Variants in MND1 observed in about 807,000 individuals in gnomAD.
The protein encoded by MND1 is meiotic nuclear divisions 1.
Under a neutral mutation model 35.1 loss-of-function variants are expected in MND1, and 28 were observed. That is an observed-to-expected ratio of 0.80 (90% CI 0.59 to 1.09). The LOEUF is 1.09. MND1 is among the 50% of genes least tolerant of loss of function. The probability of loss-of-function intolerance (pLI) is 0.00; values close to 1 mark genes in which losing one functional copy is unlikely to be tolerated. For missense variants in MND1, 213 were observed against 239.6 expected (o/e 0.89, Z 0.73); for synonymous variants, 69 against 70.5 (o/e 0.98, Z 0.11).
At chr4:153,387,484 G>T (rs1441473752) in intron 4 of MND1, among the ~76,000 whole-genome samples, 3 of 152,044 alleles carry the variant, frequency 2.0e-5, no homozygotes, top group African/African-American at 7.2e-5. Context: ...ACAAGGCCAG[G>T]CTCAGTCACT....
chr4:153,350,424 C>T (rs1399491082), intron 2 of MND1, among the ~76,000 whole-genome samples: 3 of 152,104 alleles, frequency 2.0e-5, no homozygotes, highest in African/African-American at 7.2e-5. Context: ...TGATGAAAGC[C>T]CACATCTCCT....
At chr4:153,369,560 T>C (rs1486146249) in intron 4 of MND1, among the ~76,000 whole-genome samples, 1 of 152,150 alleles carries the variant, frequency 6.6e-6, no homozygotes, top group Non-Finnish European at 1.5e-5. Flanking sequence ...TAAAAACTAA[T>C]GTACATTAAT....
At chr4:153,351,388 C>T (rs1773214210) in intron 2 of MND1, among the ~76,000 whole-genome samples, 1 of 152,138 alleles carries the variant, frequency 6.6e-6, no homozygotes, top group Non-Finnish European at 1.5e-5. Context: ...ATTAATTGTA[C>T]TGATTGATTT....
chr4:153,414,697 G>C (rs768477172), intron 7 of MND1, 54 bp from the exon 8 acceptor site: 1 of 735,726 alleles, frequency 1.4e-6, no homozygotes, highest in Non-Finnish European at 2.2e-6. Context: ...AATTATACTT[G>C]AAATGTTTTA....
At chr4:153,395,010 G>A (rs1272441209) in intron 5 of MND1, among the ~76,000 whole-genome samples, 3 of 152,120 alleles carry the variant, frequency 2.0e-5, no homozygotes, top group Non-Finnish European at 4.4e-5. Flanking sequence ...GTCTCTATTT[G>A]TATCACTTGA....
intron 1 of MND1, chr4:153,345,597 T>C (rs1469060307): frequency 2.1e-6 from 2 of 931,686 alleles, no homozygotes; most frequent in Non-Finnish European, 2.6e-6. Flanking sequence ...TCTGCTTCAG[T>C]TGGCGAAGAA....
chr4:153,412,293 T>C (rs907017642), intron 7 of MND1, among the ~76,000 whole-genome samples: 1 of 152,202 alleles, frequency 6.6e-6, no homozygotes, highest in Admixed American at 6.5e-5. Context: ...TGAAACTCCA[T>C]GTATTAGTTT....
chr4:153,393,784 C>T (rs1729114465), intron 4 of MND1, among the ~76,000 whole-genome samples: 1 of 150,260 alleles, frequency 6.7e-6, no homozygotes, highest in African/African-American at 2.4e-5. Context: ...GCATGCTATT[C>T]GTTTTATCTA....
chr4:153,408,429 C>A (rs1051307407), intron 6 of MND1, among the ~76,000 whole-genome samples: 7 of 151,808 alleles, frequency 4.6e-5, no homozygotes, highest in Admixed American at 2.6e-4. Context: ...CAGAGTAACT[C>A]GAAGTACATA....
chr4:153,366,293 A>G (rs1044869182), intron 4 of MND1, among the ~76,000 whole-genome samples: 3 of 152,346 alleles, frequency 2.0e-5, no homozygotes, highest in Admixed American at 6.5e-5. Context: ...AGTCTTTGCC[A>G]CATAAGGTGC....
At chr4:153,350,951 T>TAAAAAAAAA (rs567868452) in intron 2 of MND1, among the ~76,000 whole-genome samples, 9 of 123,538 alleles carry the variant, frequency 7.3e-5, no homozygotes, top group Non-Finnish European at 1.1e-4. Flanking sequence ...AGATTCTTAG[T>TAAAAAAAAA]AAAAAAAAAA....
intron 6 of MND1, among the ~76,000 whole-genome samples, chr4:153,403,090 C>A (rs1195001813): frequency 6.6e-6 from 1 of 151,926 alleles, no homozygotes; most frequent in Non-Finnish European, 1.5e-5. Flanking sequence ...GAGCCATGAT[C>A]GTGCCACTCT....
chr4:153,374,047 T>G lies in MND1; in HGVS notation c.276+15425T>G, dbSNP rs150318489. Reference sequence around the variant, plus strand: ...TCACTTCTTGACCAGCTGTACAATATTAGAAAAATATCTTAAGCCTTTTAA... The same window carrying G: ...TCACTTCTTGACCAGCTGTACAATAGTAGAAAAATATCTTAAGCCTTTTAA... On this transcript the variant is annotated intron_variant, in intron 4 of 7. Transcript: ENST00000240488. Among the ~76,000 whole-genome samples the G allele has an allele frequency of 1.8e-3, 274 of 152,238 alleles. 1 individual carries two copies. The highest frequency in any genetic ancestry group is 3.1e-3 in the Non-Finnish European group (208 of 67,972).
chr4:153,403,796 C>CA (rs1729409401), intron 6 of MND1, among the ~76,000 whole-genome samples: 1 of 151,530 alleles, frequency 6.6e-6, no homozygotes. Flanking sequence ...GAGACACTCT[C>CA]ACTCTGTCAC....
In MND1 at chr4:153,389,347, C is replaced by CT. The variant is rs1478905441; in HGVS notation, c.277-4910dup. 4.0e-5 allele frequency among the ~76,000 whole-genome samples: 6 copies of CT among 151,382 alleles called. No individual in the cohort carries two copies. In the East Asian group the frequency reaches 7.7e-4, roughly 20 times the overall value. On this transcript the variant is annotated intron_variant, in intron 4 of 7. Coordinates refer to ENST00000240488, the MANE Select transcript of MND1 (RefSeq NM_032117.4). ...TTTAAGGGAATATTATGGTAAATAC[C>CT]TTTTTATTTATTTATTTATTTATTT...
chr4:153,353,666 G>GT (rs1256320379), intron 2 of MND1, among the ~76,000 whole-genome samples: 4 of 150,900 alleles, frequency 2.7e-5, no homozygotes, highest in Admixed American at 6.6e-5. Flanking sequence ...GCCTTTTCAA[G>GT]TTTTTTTTGG....
intron 6 of MND1, among the ~76,000 whole-genome samples, chr4:153,399,989 C>T (rs1342680827): frequency 6.6e-6 from 1 of 150,438 alleles, no homozygotes; most frequent in South Asian, 2.1e-4. Context: ...TAGCCTCAAC[C>T]CCCGCAAGCT....
At chr4:153,381,667 A>AATATAATAT (rs1554011383) in intron 4 of MND1, 6 of 25,456 alleles carry the variant, frequency 2.4e-4, no homozygotes, top group African/African-American at 8.8e-4. Context: ...TATATAATAT[A>AATATAATAT]ATATATATAT....
intron 4 of MND1, among the ~76,000 whole-genome samples, chr4:153,371,144 A>G (rs1333088851): frequency 1.3e-5 from 2 of 152,110 alleles, no homozygotes; most frequent in Non-Finnish European, 2.9e-5. Flanking sequence ...TGAAATACCC[A>G]GTAAACCATG....
Sources: allele counts gnomAD v4.1 joint callset (sites outside exome capture counted in the v4.1 genomes callset), GRCh38; gene constraint gnomAD v4.1.1; transcripts MANE v1.5; gene names NCBI Gene and HGNC (gene_info 2026-07-23, HGNC 2026-07-21).